Variants in SORCS1 observed in about 807,000 individuals in gnomAD.
The protein encoded by SORCS1 is VPS10 domain-containing receptor SorCS1.
A neutral mutation model predicts 146.1 loss-of-function variants in SORCS1; 60 were observed. The observed-to-expected ratio is 0.41, with a 90% CI of 0.33 to 0.51. SORCS1 has a LOEUF of 0.51. Ranked by LOEUF, SORCS1 falls within the 20% of genes least tolerant of loss-of-function variation. The pLI is 0.21. For synonymous variants in SORCS1, 637 were observed against 584.0 expected, an observed-to-expected ratio of 1.09 and a Z score of -1.31; for missense variants, 1,352 against 1,487.6, an observed-to-expected ratio of 0.91 and a Z score of 1.50.
chr10:107,010,894 A>AT (rs1438892470), intron 1 of SORCS1, among the ~76,000 whole-genome samples: 1 of 152,090 alleles, frequency 6.6e-6, no homozygotes, highest in Non-Finnish European at 1.5e-5. Context: ...TTCAAACCAG[A>AT]TATCACCCCA....
At chr10:107,047,932 G>T (rs1405504119) in intron 1 of SORCS1, among the ~76,000 whole-genome samples, 1 of 151,948 alleles carries the variant, frequency 6.6e-6, no homozygotes, top group Admixed American at 6.6e-5. Flanking sequence ...AAAATACAAA[G>T]AGTAGCCAGG....
intron 8 of SORCS1, among the ~76,000 whole-genome samples, chr10:106,706,325 A>AAGAG (rs1392533851): frequency 1.3e-5 from 2 of 150,612 alleles, no homozygotes; most frequent in Non-Finnish European, 3.0e-5. Context: ...GAAAGAAAGG[A>AAGAG]AGAGAGAGAG....
In SORCS1 at chr10:106,881,076, CAAAAA is replaced by C. The variant is rs59128024; in HGVS notation, c.627-51408_627-51404del. 2.3e-4 allele frequency among the ~76,000 whole-genome samples: 16 copies of C among 69,168 alleles called. No individual in the cohort carries two copies. In the Admixed American group the frequency reaches 2.8e-3, roughly 12 times the overall value. 45.4% of individuals were successfully genotyped at this position (69,168 alleles called of 152,430 possible). A position where few individuals can be genotyped will look rare whatever the true frequency, so the allele number is the denominator to read the frequency against. Reference sequence around the variant, plus strand: ...TGGGCAACAGAGCAAGACTCTGTCTCAAAAAAAAAAAAAAAAAAAAAAGAAGCAGA... The same window carrying C: ...TGGGCAACAGAGCAAGACTCTGTCTCAAAAAAAAAAAAAAAAAGAAGCAGA... On this transcript the variant is annotated intron_variant, in intron 2 of 25. Coordinates refer to ENST00000263054, the MANE Select transcript of SORCS1 (RefSeq NM_052918.5).
At chr10:107,012,582 G>A (rs1365083838) in intron 1 of SORCS1, among the ~76,000 whole-genome samples, 2 of 152,132 alleles carry the variant, frequency 1.3e-5, no homozygotes, top group African/African-American at 4.8e-5. Flanking sequence ...AAGAGGTTAA[G>A]GAACCTGCAC....
At chr10:106,663,523 T>C (rs752279424) in intron 17 of SORCS1, among the ~76,000 whole-genome samples, 25 of 152,192 alleles carry the variant, frequency 1.6e-4, no homozygotes, top group Non-Finnish European at 2.9e-5. Flanking sequence ...AATCTAAATG[T>C]ATAGTGTCAG....
intron 12 of SORCS1, 126 bp from the exon 13 acceptor site, chr10:106,677,530 G>A (rs1375443679): frequency 2.6e-6 from 2 of 783,056 alleles, no homozygotes; most frequent in Non-Finnish European, 4.2e-6. Flanking sequence ...CTAAATCTTT[G>A]CGAAAATAAA....
intron 1 of SORCS1, among the ~76,000 whole-genome samples, chr10:107,116,587 T>A (rs186462324): frequency 6.6e-6 from 1 of 152,216 alleles, no homozygotes; most frequent in Non-Finnish European, 1.5e-5. Flanking sequence ...GCAAATACCG[T>A]ATAATTTCAC....
intron 3 of SORCS1, among the ~76,000 whole-genome samples, chr10:106,801,091 T>C (rs536783449): frequency 6.6e-6 from 1 of 152,358 alleles, no homozygotes; most frequent in Non-Finnish European, 1.5e-5. Flanking sequence ...TGTTAATCAA[T>C]GTCTGATGAT....
At chr10:106,642,545 G>A (rs1408184897) in intron 18 of SORCS1, among the ~76,000 whole-genome samples, 1 of 152,180 alleles carries the variant, frequency 6.6e-6, no homozygotes, top group African/African-American at 2.4e-5. Flanking sequence ...TATGGATTTT[G>A]AGGAGAATAA....
At chr10:106,900,959 T>C (rs1951676705) in intron 2 of SORCS1, among the ~76,000 whole-genome samples, 1 of 152,202 alleles carries the variant, frequency 6.6e-6, no homozygotes, top group South Asian at 2.1e-4. Flanking sequence ...TTGGTTTGTG[T>C]GTGTGTGTGC....
chr10:106,631,988 A>T (rs754654335), intron 18 of SORCS1, among the ~76,000 whole-genome samples: 1 of 152,168 alleles, frequency 6.6e-6, no homozygotes, highest in Non-Finnish European at 1.5e-5. Flanking sequence ...GAAAGGATGG[A>T]GCTACTCAAT....
chr10:107,158,961 T>A (rs769723737), intron 1 of SORCS1, among the ~76,000 whole-genome samples: 1 of 151,150 alleles, frequency 6.6e-6, no homozygotes, highest in African/African-American at 2.4e-5. Flanking sequence ...GAAAATCTCA[T>A]TAAATAACTA....
chr10:106,646,826 C>T (rs938122509), intron 18 of SORCS1, among the ~76,000 whole-genome samples: 8 of 151,400 alleles, frequency 5.3e-5, no homozygotes, highest in Admixed American at 2.6e-4. Flanking sequence ...ATTGTAGCAC[C>T]CATGTATTGA....
At chr10:106,779,828 T>C (rs1860755305) in intron 3 of SORCS1, among the ~76,000 whole-genome samples, 1 of 152,138 alleles carries the variant, frequency 6.6e-6, no homozygotes. Context: ...GACACACAAA[T>C]GCACACACGT....
At chr10:106,742,829 T>C (rs1030958952) in intron 5 of SORCS1, among the ~76,000 whole-genome samples, 3 of 152,180 alleles carry the variant, frequency 2.0e-5, no homozygotes, top group Non-Finnish European at 1.5e-5. Flanking sequence ...GGAGCATTTA[T>C]GGTTGGGGAT....
intron 1 of SORCS1, among the ~76,000 whole-genome samples, chr10:107,086,876 A>T (rs918577584): frequency 6.6e-6 from 1 of 152,196 alleles, no homozygotes; most frequent in Non-Finnish European, 1.5e-5. Context: ...AAAAATACAA[A>T]CAATTAGCCG....
At chr10:106,956,485 T>A (rs373364136) in intron 2 of SORCS1, 28 bp downstream of exon 2, 3 of 1,607,088 alleles carry the variant, frequency 1.9e-6, no homozygotes, top group Non-Finnish European at 2.6e-6. Flanking sequence ...AATAACACGG[T>A]AATTATTAGC....
At chr10:106,743,573 T>A (rs914372678) in intron 5 of SORCS1, among the ~76,000 whole-genome samples, 1 of 152,024 alleles carries the variant, frequency 6.6e-6, no homozygotes, top group African/African-American at 2.4e-5. Context: ...TACAGGTGCA[T>A]ACCACCGTGC....
chr10:106,724,000 T>C (rs1170627197), intron 6 of SORCS1, among the ~76,000 whole-genome samples: 1 of 152,082 alleles, frequency 6.6e-6, no homozygotes, highest in Non-Finnish European at 1.5e-5. Context: ...AATTAATATA[T>C]TATATATCAA....
Sources: gnomAD v4.1 joint callset for allele counts (sites outside exome capture counted in the v4.1 genomes callset) on GRCh38, gnomAD v4.1.1 for gene constraint, MANE v1.5 for transcripts, NCBI Gene and HGNC (gene_info 2026-07-23, HGNC 2026-07-21) for gene names.